STX11: variants seen among roughly 807,000 people sequenced by gnomAD.
STX11 encodes the protein syntaxin 11, also known as syntaxin-11.
Under a neutral mutation model 19.9 loss-of-function variants are expected in STX11, and 21 were observed. That is an observed-to-expected ratio of 1.06 (90% CI 0.75 to 1.52). The LOEUF (loss-of-function observed/expected upper bound fraction) is 1.52, where lower values mean the gene tolerates loss of function less well. Among genes scored for constraint, STX11 ranks in the 40% most tolerant of loss-of-function variants. The pLI is 0.00. For missense variants in STX11, 438 were observed against 405.9 expected (o/e 1.08, Z -0.68); for synonymous variants, 193 against 174.4 (o/e 1.11, Z -0.84).
chr6:144,158,033 T>C (rs946332370), intron 1 of STX11, among the ~76,000 whole-genome samples: 32 of 151,812 alleles, frequency 2.1e-4, no homozygotes, highest in South Asian at 1.2e-3. Context: ...AGGGCCCCAT[T>C]CTAGATCCAC....
chr6:144,142,712 T>C, the STX11 span, among the ~76,000 whole-genome samples: 291 of 152,206 alleles, frequency 1.9e-3, no homozygotes, highest in African/African-American at 6.8e-3. Context: ...AGTGGAATGA[T>C]AGATAGATAC....
chr6:144,156,464 T>G (rs2128747690), intron 1 of STX11, among the ~76,000 whole-genome samples: 1 of 152,336 alleles, frequency 6.6e-6, no homozygotes, highest in South Asian at 2.1e-4. Flanking sequence ...TTTACTTGTT[T>G]CCCTGTTCAA....
chr6:144,145,314 T>C, the STX11 span, among the ~76,000 whole-genome samples: 1 of 152,202 alleles, frequency 6.6e-6, no homozygotes, highest in Non-Finnish European at 1.5e-5. Context: ...AGGACAAATA[T>C]TGTATGATTC....
In STX11 at chr6:144,165,270, C is replaced by G. The variant is rs1390519091; in HGVS notation, c.-6+14567C>G. 6.6e-6 allele frequency among the ~76,000 whole-genome samples: 1 copy of G among 151,982 alleles called. No individual in the cohort carries two copies. The highest frequency in any genetic ancestry group is 1.5e-5 in the Non-Finnish European group (1 of 67,972). On this transcript the variant is annotated intron_variant, in intron 1 of 1. Transcript: ENST00000367568. This position sits in a 1 kb window ranked among gnomAD's most constrained non-coding sequence, Gnocchi z 5.8. The stretch of plus-strand genomic sequence containing the variant: ...GGGAGTTTGAGACCAACCTGACCAA[C>G]ATGGAGAAACCCCGTCTCTACTAAA...
chr6:144,166,822 G>A (rs1468265715), intron 1 of STX11, among the ~76,000 whole-genome samples: 3 of 151,664 alleles, frequency 2.0e-5, no homozygotes, highest in African/African-American at 4.8e-5. Context: ...CACAGTGCCT[G>A]GCCCCACCTT....
chr6:144,147,312 C>T (rs1315879210), upstream of STX11, among the ~76,000 whole-genome samples: 3 of 152,188 alleles, frequency 2.0e-5, no homozygotes, highest in African/African-American at 7.2e-5. The surrounding 1 kb of genome is among the most constrained non-coding windows in gnomAD (Gnocchi z 4.2). Flanking sequence ...CACCACTGAC[C>T]TCCATGTGGC....
chr6:144,140,256 T>TATATATATATATATATA, the STX11 span, among the ~76,000 whole-genome samples: 4 of 73,980 alleles, frequency 5.4e-5, no homozygotes, highest in Admixed American at 2.0e-4. Context: ...ATATATATAT[T>TATATATATATATATATA]TATTTATTTA....
chr6:144,171,677 T>C (rs1288929046), intron 1 of STX11, among the ~76,000 whole-genome samples: 1 of 151,994 alleles, frequency 6.6e-6, no homozygotes, highest in African/African-American at 2.4e-5. Flanking sequence ...AGAGTCTTTG[T>C]GTGGAAGCTG....
chr6:144,181,107 C>T (rs1226331261), intron 1 of STX11, among the ~76,000 whole-genome samples: 1 of 152,150 alleles, frequency 6.6e-6, no homozygotes, highest in Non-Finnish European at 1.5e-5. Context: ...AGTGAGTTTT[C>T]AGCTGACTTT....
Position 144,188,699 on chromosome 6 carries a change from AATT to A in STX11, c.*1212_*1214del, listed in dbSNP as rs933941962. On this transcript the variant is annotated 3_prime_UTR_variant, in exon 2 of 2. Coordinates refer to ENST00000367568, the MANE Select transcript of STX11 (RefSeq NM_003764.4). ...GCTTGACCATTTAGTTTACTTTCTC[AATT>A]ATTGTTAAAATTTTTCTTTTTCCTT... is the stretch of plus-strand genomic sequence containing the variant. Among the ~76,000 whole-genome samples, 1 of 146,554 alleles carries A rather than the reference AATT, an allele frequency of 6.8e-6. No individual in the cohort carries two copies. Among genetic ancestry groups the A allele is most frequent in the African/African-American group, 2.6e-5 (1 of 38,398 alleles).
chr6:144,186,918 C>T lies in STX11; in HGVS notation c.291C>T (p.Gly97=). The change falls in exon 2 of 2, where the codon GGC becomes GGT. Residue 97 remains glycine, a synonymous_variant. Transcript: ENST00000367568. ...NSIAKAIKAR[G]EVIHCKLRAM... ...TCGCCAAGGCCATCAAGGCCCGGGG[C>T]GAGGTCATCCACTGCAAGCTGCGCG... 6.2e-7 allele frequency: 1 copy of T among 1,610,594 alleles called. No homozygotes were observed. Among genetic ancestry groups the T allele is most frequent in the East Asian group, 2.2e-5 (1 of 44,878 alleles).
In STX11 at chr6:144,169,774, C is replaced by T. The variant is rs1444626637; in HGVS notation, c.-5-16849C>T. On this transcript the variant is annotated intron_variant, in intron 1 of 1. Transcript: ENST00000367568. The surrounding 1 kb of genome is among the most constrained non-coding windows in gnomAD (Gnocchi z 5.2). ...AATCATAGCTCACTGCAGCCTCAAA[C>T]TCCTGGGCTCAAGTGATACTCTGAC... 2.0e-5 allele frequency among the ~76,000 whole-genome samples: 3 copies of T among 151,708 alleles called. No individual in the cohort carries two copies.
In STX11 at chr6:144,191,279, A is replaced by G. The variant is rs539581804; in HGVS notation, c.*3788A>G. 3.4e-5 allele frequency among the ~76,000 whole-genome samples: 5 copies of G among 146,736 alleles called. No homozygotes were observed. The highest frequency in any genetic ancestry group is 6.0e-5 in the Non-Finnish European group (4 of 66,934). On this transcript the variant is annotated 3_prime_UTR_variant, in exon 2 of 2. Transcript: ENST00000367568. ...GCTCATCTAGTATGCATCGGTATCCAGGATAATATGAGTTAGAATTTTAAA... is the reference window on the plus strand; with the variant it reads ...GCTCATCTAGTATGCATCGGTATCCGGGATAATATGAGTTAGAATTTTAAA...
chr6:144,148,036 G>A (rs568010799), upstream of STX11, among the ~76,000 whole-genome samples: 2 of 152,006 alleles, frequency 1.3e-5, no homozygotes, highest in East Asian at 1.9e-4. Context: ...TTTCTAACTC[G>A]TTGGCCTGTT....
Position 144,187,158 on chromosome 6 carries a change from C to A in STX11, c.531C>A (p.Ile177=). ...GCAAGGAAGTCTCGGGCGACCAGAT[C>A]GAGGACATGTTCGAGCAGGGTAAGT... is the stretch of plus-strand genomic sequence containing the variant. The part of the protein sequence containing the change: ...IMGKEVSGDQ[I]EDMFEQGKWD... The change falls in exon 2 of 2, where the codon ATC becomes ATA. Residue 177 remains isoleucine, a synonymous_variant. Transcript: ENST00000367568. This position sits in a 1 kb window ranked among gnomAD's most constrained non-coding sequence, Gnocchi z 5.6. 1.2e-6 allele frequency: 2 copies of A among 1,613,994 alleles called. No individual in the cohort carries two copies. The highest frequency in any genetic ancestry group is 8.5e-7 in the Non-Finnish European group (1 of 1,180,004).
chr6:144,145,210 C>T, the STX11 span, among the ~76,000 whole-genome samples: 1 of 152,124 alleles, frequency 6.6e-6, no homozygotes, highest in Non-Finnish European at 1.5e-5. Context: ...AGTTATTACT[C>T]AGCCTTAAAA....
upstream of STX11, among the ~76,000 whole-genome samples, chr6:144,146,555 G>A (rs565307987): frequency 1.7e-4 from 26 of 152,140 alleles, no homozygotes; most frequent in African/African-American, 5.1e-4. The surrounding 1 kb of genome is among the most constrained non-coding windows in gnomAD (Gnocchi z 4.4). Flanking sequence ...CAAGTGACTC[G>A]CCCGCCTCGG....
rs1801028434 is a variant in STX11, at chr6:144,152,366, T to G, written c.-6+1663T>G. The stretch of plus-strand genomic sequence containing the variant: ...TGAAGATCTGGGATTTGGAATGGAC[T>G]GGGTCATGGCTGGAAGAGCAAGGAA... On this transcript the variant is annotated intron_variant, in intron 1 of 1. Coordinates refer to ENST00000367568, the MANE Select transcript of STX11 (RefSeq NM_003764.4). This position sits in a 1 kb window ranked among gnomAD's most constrained non-coding sequence, Gnocchi z 4.9. Among the ~76,000 whole-genome samples, 1 of 152,252 alleles carries G rather than the reference T, an allele frequency of 6.6e-6. No homozygotes were observed. The highest frequency in any genetic ancestry group is 2.4e-5 in the African/African-American group (1 of 41,468).
rs7772146 is a variant in STX11 at position 144,189,016 on chromosome 6, A to G, written c.*1525A>G. On this transcript the variant is annotated 3_prime_UTR_variant, in exon 2 of 2. Transcript: ENST00000367568. The stretch of plus-strand genomic sequence containing the variant: ...GCTGGGATTACAGGTGTGAGCCACC[A>G]TGCCTGGCCTTTTTTCCCCCCTTTT... Among the ~76,000 whole-genome samples, 16,459 of 151,112 alleles carry G rather than the reference A, an allele frequency of 0.11. 1,423 individuals carry two copies. The highest frequency in any genetic ancestry group is 0.35 in the East Asian group (1,790 of 5,124).
Sources: allele counts gnomAD v4.1 joint callset (sites outside exome capture counted in the v4.1 genomes callset), GRCh38; gene constraint gnomAD v4.1.1; non-coding constraint Gnocchi (gnomAD v3.1); transcripts MANE v1.5; gene names NCBI Gene and HGNC (gene_info 2026-07-23, HGNC 2026-07-21).